The following PACS1 variants were observed in gnomAD, a reference collection of about 807,000 sequenced individuals.
The protein encoded by PACS1 is PACS-1.
Under a neutral mutation model 115.0 loss-of-function variants are expected in PACS1, and 24 were observed. That is an observed-to-expected ratio of 0.21 (90% CI 0.15 to 0.29). The LOEUF (loss-of-function observed/expected upper bound fraction) is 0.29, where lower values mean the gene tolerates loss of function less well. Ranked by LOEUF, PACS1 falls within the 10% of genes least tolerant of loss-of-function variation. The pLI is 1.00. For synonymous variants in PACS1, 453 were observed against 504.5 expected (o/e 0.90, Z 1.37); for missense variants, 838 against 1,251.2 (o/e 0.67, Z 4.98).
chr11:66,229,514 A>G (rs1235554910), intron 11 of PACS1, among the ~76,000 whole-genome samples: 2 of 151,852 alleles, frequency 1.3e-5, no homozygotes, highest in Non-Finnish European at 2.9e-5. Flanking sequence ...CCTGGCTAAC[A>G]CGTCTCTACT....
At chr11:66,158,877 G>A (rs1859422409) in intron 1 of PACS1, among the ~76,000 whole-genome samples, 1 of 152,138 alleles carries the variant, frequency 6.6e-6, no homozygotes. Flanking sequence ...CTCACCCAGT[G>A]TCCAGAATGA....
intron 1 of PACS1, among the ~76,000 whole-genome samples, chr11:66,098,484 T>C (rs1281840912): frequency 6.6e-6 from 1 of 152,240 alleles, no homozygotes; most frequent in Non-Finnish European, 1.5e-5. Context: ...TTTGAGACCA[T>C]GTTATGCACA....
intron 1 of PACS1, among the ~76,000 whole-genome samples, chr11:66,108,152 C>A (rs1565109301): frequency 2.0e-5 from 3 of 152,162 alleles, no homozygotes; most frequent in Non-Finnish European, 2.9e-5. Flanking sequence ...AACATTTTCT[C>A]ACAGTTCTGG....
intron 7 of PACS1, 125 bp from the exon 8 acceptor site, chr11:66,219,621 C>A (rs529904906): frequency 1.3e-6 from 1 of 794,240 alleles, no homozygotes; most frequent in African/African-American, 1.7e-5. Flanking sequence ...GGGCAGAGAC[C>A]AAGTCCTCCA....
chr11:66,144,996 G>C (rs1859086791), intron 1 of PACS1, among the ~76,000 whole-genome samples: 1 of 152,136 alleles, frequency 6.6e-6, no homozygotes, highest in Non-Finnish European at 1.5e-5. Context: ...CATGTGATGA[G>C]GTGATACGTT....
intron 1 of PACS1, among the ~76,000 whole-genome samples, chr11:66,174,403 C>G (rs118038357): frequency 2.3e-3 from 355 of 152,180 alleles, no homozygotes; most frequent in Non-Finnish European, 4.1e-3. Flanking sequence ...ACCATATGAC[C>G]CTGCAATTCC....
chr11:66,087,540 A>G (rs915683919), intron 1 of PACS1, among the ~76,000 whole-genome samples: 3 of 152,216 alleles, frequency 2.0e-5, no homozygotes, highest in African/African-American at 7.2e-5. Flanking sequence ...AGCCAAGAAC[A>G]CTTGTATCTA....
intron 1 of PACS1, chr11:66,100,800 A>G (rs1363974430): frequency 2.2e-6 from 1 of 456,260 alleles, no homozygotes; most frequent in Non-Finnish European, 4.4e-6. Context: ...GCCAGCTATT[A>G]GCTGGGACCT....
intron 1 of PACS1, among the ~76,000 whole-genome samples, chr11:66,115,065 C>T (rs866911485): frequency 4.6e-5 from 7 of 151,730 alleles, no homozygotes; most frequent in Non-Finnish European, 8.8e-5. Flanking sequence ...AAAAATTAGC[C>T]GGGCATGCTG....
intron 1 of PACS1, among the ~76,000 whole-genome samples, chr11:66,094,781 G>A (rs1857740874): frequency 2.0e-5 from 3 of 152,244 alleles, no homozygotes; most frequent in Non-Finnish European, 2.9e-5. Flanking sequence ...GATGAACATC[G>A]ATGCAAAAAT....
At chr11:66,151,013 GCTGGAAAGTTCAGGGGGGAATC>G (rs1391437108) in intron 1 of PACS1, among the ~76,000 whole-genome samples, 1 of 152,118 alleles carries the variant, frequency 6.6e-6, no homozygotes, top group Non-Finnish European at 1.5e-5. Context: ...TGGAAGACAA[GCTGGAAAGTTCAGGGGGGAATC>G]CTGGAAACAA....
chr11:66,162,970 G>A (rs560863107), intron 1 of PACS1, among the ~76,000 whole-genome samples: 14 of 152,258 alleles, frequency 9.2e-5, no homozygotes, highest in African/African-American at 3.1e-4. Context: ...TTTGCCATTG[G>A]AGAATAACTA....
chr11:66,121,458 A>T (rs187341418), intron 1 of PACS1, among the ~76,000 whole-genome samples: 1 of 152,342 alleles, frequency 6.6e-6, no homozygotes, highest in East Asian at 1.9e-4. Flanking sequence ...AGGAATGATT[A>T]AGCTTAGTAA....
At chr11:66,218,462 G>A (rs1855264515) in intron 7 of PACS1, 1 of 152,192 alleles carries the variant, frequency 6.6e-6, no homozygotes, top group Non-Finnish European at 1.5e-5. Context: ...TGTCCCAGGA[G>A]TGCCAGGACA....
rs74772376 is a variant in PACS1 at position 66,207,464 on chromosome 11, C to G, written c.445-2898C>G. 0.012 allele frequency among the ~76,000 whole-genome samples: 1,895 copies of G among 152,304 alleles called. 95 individuals are homozygous for G. In the East Asian group the frequency reaches 0.17, roughly 14 times the overall value. ...CCTAGTCGACAGAGCAAGACTCTATCTAAAATAACAAAAACCTTAATATCA... is the reference window on the plus strand; with the variant it reads ...CCTAGTCGACAGAGCAAGACTCTATGTAAAATAACAAAAACCTTAATATCA... On this transcript the variant is annotated intron_variant, in intron 2 of 23. Transcript: ENST00000320580.
intron 1 of PACS1, among the ~76,000 whole-genome samples, chr11:66,183,415 A>G (rs578101243): frequency 3.3e-5 from 5 of 152,236 alleles, no homozygotes; most frequent in South Asian, 2.1e-4. Flanking sequence ...ATGTGAATAA[A>G]TGCTGTTAAG....
chr11:66,231,963 G>A, intron 13 of PACS1: 1 of 513,034 alleles, frequency 1.9e-6, no homozygotes, highest in South Asian at 2.4e-5. Flanking sequence ...TCATCTCCAT[G>A]TGTCCTCTAA....
At chr11:66,184,166 GCC>G (rs1860066800) in intron 1 of PACS1, among the ~76,000 whole-genome samples, 1 of 151,826 alleles carries the variant, frequency 6.6e-6, no homozygotes, top group Admixed American at 6.6e-5. Context: ...AAGGGTATTA[GCC>G]GGGTGGTAGT....
At chr11:66,155,122 C>T (rs1489447829) in intron 1 of PACS1, among the ~76,000 whole-genome samples, 2 of 152,272 alleles carry the variant, frequency 1.3e-5, no homozygotes, top group Admixed American at 1.3e-4. Context: ...TTATACACTG[C>T]CCAGAAAGCT....
Sources: gnomAD v4.1 joint callset for allele counts (sites outside exome capture counted in the v4.1 genomes callset) on GRCh38, gnomAD v4.1.1 for gene constraint, MANE v1.5 for transcripts, NCBI Gene and HGNC (gene_info 2026-07-23, HGNC 2026-07-21) for gene names.